Variants in MRPL3 observed in about 807,000 individuals in gnomAD.
MRPL3 encodes the protein mitochondrial ribosomal protein L3.
A neutral mutation model predicts 44.3 loss-of-function variants in MRPL3; 43 were observed. That is an observed-to-expected ratio of 0.97 (90% CI 0.76 to 1.25). The LOEUF is 1.25. Among genes scored for constraint, MRPL3 ranks in the 50% most tolerant of loss-of-function variants. The pLI is 0.00. For synonymous variants in MRPL3, 171 were observed against 152.3 expected, an observed-to-expected ratio of 1.12 and a Z score of -0.91; for missense variants, 406 against 427.6, an observed-to-expected ratio of 0.95 and a Z score of 0.45.
At chr3:131,490,132 T>G in intron 4 of MRPL3, 52 bp from the exon 5 acceptor site, 1 of 1,280,022 alleles carries the variant, frequency 7.8e-7, no homozygotes, top group East Asian at 2.3e-5. Flanking sequence ...AAAAGTGGAA[T>G]TAAATGCATG....
intron 1 of MRPL3, among the ~76,000 whole-genome samples, chr3:131,502,445 T>C (rs558948085): frequency 2.4e-4 from 36 of 152,246 alleles, no homozygotes; most frequent in African/African-American, 8.7e-4. Context: ...AGGCACCTAA[T>C]ACACTTAGCA....
At position 131,487,678 on chromosome 3, in the gene MRPL3, A is replaced by G; in HGVS notation, c.629+2T>C. On this transcript the variant is annotated splice_donor_variant, in intron 6 of 9. Transcript: ENST00000264995. LOFTEE classifies it high-confidence loss of function. Reference sequence around the variant, plus strand: ...AAAAGAGAACTCGCTATGAGGACCTACGTTTTGGCTGTGACATCCACATAC... The same window carrying G: ...AAAAGAGAACTCGCTATGAGGACCTGCGTTTTGGCTGTGACATCCACATAC... The G allele has an allele frequency of 1.2e-6, 2 of 1,609,856 alleles. No individual in the cohort carries two copies. Among genetic ancestry groups the G allele is most frequent in the Non-Finnish European group, 1.7e-6 (2 of 1,177,906 alleles).
At chr3:131,476,827 G>C (rs1933863845) in intron 6 of MRPL3, among the ~76,000 whole-genome samples, 2 of 152,328 alleles carry the variant, frequency 1.3e-5, no homozygotes, top group South Asian at 4.1e-4. Flanking sequence ...TAGAGAAGCA[G>C]AGTAAAATTT....
intron 2 of MRPL3, among the ~76,000 whole-genome samples, chr3:131,501,053 C>T (rs941341019): frequency 6.6e-6 from 1 of 152,194 alleles, no homozygotes; most frequent in African/African-American, 2.4e-5. Flanking sequence ...AAACCCTAAC[C>T]AGGGACCACA....
At chr3:131,465,901 T>G (rs1231183010) in intron 9 of MRPL3, among the ~76,000 whole-genome samples, 1 of 150,750 alleles carries the variant, frequency 6.6e-6, no homozygotes, top group Non-Finnish European at 1.5e-5. Context: ...CTTTTTTTTT[T>G]TTTTTTGTTT....
At chr3:131,466,638 G>A (rs1158171377) in intron 9 of MRPL3, among the ~76,000 whole-genome samples, 1 of 133,162 alleles carries the variant, frequency 7.5e-6, no homozygotes, top group African/African-American at 2.7e-5. Flanking sequence ...TTTACCTCAT[G>A]TATTTCTGGT....
At position 131,471,139 on chromosome 3, in the gene MRPL3, G is replaced by T. The variant is rs745435082; in HGVS notation, c.738+32C>A. The T allele has an allele frequency of 4.3e-6, 6 of 1,405,838 alleles. No individual in the cohort carries two copies. The Admixed American group carries it at 1.0e-4, about 24-fold the overall frequency. 87.1% of individuals were successfully genotyped at this position (1,405,838 alleles called of 1,614,324 possible). On this transcript the variant is annotated intron_variant, in intron 7 of 9. Coordinates refer to ENST00000264995, the MANE Select transcript of MRPL3 (RefSeq NM_007208.4). ...TACATGTGCAGAAGTTGAATATTTA[G>T]CATTAAAAAGAGCTTCACTAGTTAT...
In MRPL3 at chr3:131,462,683, A is replaced by G. The variant is rs1933516171; in HGVS notation, c.*40T>C. On this transcript the variant is annotated 3_prime_UTR_variant, in exon 10 of 10. Transcript: ENST00000264995. ...TTATGATATCACTCTGGCTCATCGA[A>G]GCTCACAGAATATGTAAGGTTCTGC... 1 of 1,557,200 alleles carries G rather than the reference A, an allele frequency of 6.4e-7. No individual in the cohort carries two copies. Among genetic ancestry groups the G allele is most frequent in the Non-Finnish European group, 8.7e-7 (1 of 1,145,286 alleles).
rs567145970 is a variant in MRPL3, at chr3:131,474,430, T to C, written c.630-3151A>G. On this transcript the variant is annotated intron_variant, in intron 6 of 9. Coordinates refer to ENST00000264995, the MANE Select transcript of MRPL3 (RefSeq NM_007208.4). ...TGGGAATGAGGAGGATGGGGAGAGG[T>C]TGGTTAATAGGTAGATAGAAGGAAT... 9.9e-5 allele frequency among the ~76,000 whole-genome samples: 15 copies of C among 151,806 alleles called. 1 individual carries two copies. The South Asian group carries it at 1.0e-3, about 11-fold the overall frequency.
chr3:131,500,623 G>T, intron 2 of MRPL3, 102 bp from the exon 3 acceptor site: 1 of 873,846 alleles, frequency 1.1e-6, no homozygotes, highest in Non-Finnish European at 1.9e-6. Flanking sequence ...TGAGGAGCAG[G>T]CACGTAAGAA....
chr3:131,481,535 G>A (rs182199911), intron 6 of MRPL3, among the ~76,000 whole-genome samples: 124 of 152,290 alleles, frequency 8.1e-4, no homozygotes, highest in Admixed American at 9.8e-4. Flanking sequence ...AGGTCACAGA[G>A]CTACTGAAAG....
intron 4 of MRPL3, among the ~76,000 whole-genome samples, chr3:131,497,091 C>T (rs886503655): frequency 2.0e-5 from 3 of 152,214 alleles, no homozygotes; most frequent in African/African-American, 7.2e-5. Context: ...TTGGCTGTCT[C>T]CGGTTCTGTG....
chr3:131,479,826 A>C (rs9832043), intron 6 of MRPL3, among the ~76,000 whole-genome samples: 113,145 of 152,204 alleles, frequency 0.74, 43,421 homozygotes, highest in African/African-American at 0.92. Context: ...GCCTGGGCGA[A>C]AGAGCGAGAC....
In MRPL3 at chr3:131,489,377, C is replaced by T. The variant is rs781658810; in HGVS notation, c.568+604G>A. ...TATTTTACTTAAAGCAGTTTAGTTC[C>T]GATATTAAATACCAAATCTTAAAGC... is the stretch of plus-strand genomic sequence containing the variant. On this transcript the variant is annotated intron_variant, in intron 5 of 9. Coordinates refer to ENST00000264995, the MANE Select transcript of MRPL3 (RefSeq NM_007208.4). 1.6e-4 allele frequency among the ~76,000 whole-genome samples: 25 copies of T among 152,114 alleles called. No individual in the cohort carries two copies. In the South Asian group the frequency reaches 2.3e-3, roughly 14 times the overall value.
intron 6 of MRPL3, among the ~76,000 whole-genome samples, chr3:131,477,301 A>T (rs1426835775): frequency 1.3e-5 from 2 of 152,132 alleles, no homozygotes; most frequent in Non-Finnish European, 2.9e-5. Context: ...CCATCCCCTG[A>T]GTATCTCCCT....
chr3:131,473,333 G>A (rs1231553494), intron 6 of MRPL3, among the ~76,000 whole-genome samples: 5 of 152,088 alleles, frequency 3.3e-5, no homozygotes, highest in African/African-American at 9.6e-5. Flanking sequence ...TATAAATGGT[G>A]CTGGAAAACT....
At chr3:131,477,514 T>C (rs747117639) in intron 6 of MRPL3, among the ~76,000 whole-genome samples, 9 of 152,236 alleles carry the variant, frequency 5.9e-5, no homozygotes, top group Non-Finnish European at 1.2e-4. Context: ...TTTTTTATTA[T>C]GGAAGTTTTA....
chr3:131,462,960 C>T, intron 9 of MRPL3, 85 bp from the exon 10 acceptor site: 1 of 1,122,996 alleles, frequency 8.9e-7, no homozygotes, highest in South Asian at 1.6e-5. Context: ...CAAAGAAATA[C>T]TCGCTACTAC....
At chr3:131,480,166 T>A (rs1171753885) in intron 6 of MRPL3, among the ~76,000 whole-genome samples, 1 of 152,238 alleles carries the variant, frequency 6.6e-6, no homozygotes, top group African/African-American at 2.4e-5. Flanking sequence ...CTATAGCTTC[T>A]CCTCATTTCA....
Sources: allele counts gnomAD v4.1 joint callset (sites outside exome capture counted in the v4.1 genomes callset), GRCh38; gene constraint gnomAD v4.1.1; transcripts MANE v1.5; gene names NCBI Gene and HGNC (gene_info 2026-07-23, HGNC 2026-07-21).